The following ZNF280C variants were observed in gnomAD, a reference collection of about 807,000 sequenced individuals.
ZNF280C encodes suppressor of hairy wing homolog 3.
A neutral mutation model predicts 53.6 loss-of-function variants in ZNF280C; 14 were observed. The ratio of observed to expected loss-of-function variants is 0.26; its 90% CI spans 0.17 to 0.41. The LOEUF (loss-of-function observed/expected upper bound fraction) is 0.41, where lower values mean the gene tolerates loss of function less well. Among genes scored for constraint, ZNF280C ranks in the 10% least tolerant of loss-of-function variants. ZNF280C has a pLI of 1.00. For synonymous variants in ZNF280C, 203 were observed against 181.1 expected, an observed-to-expected ratio of 1.12 and a Z score of -0.97; for missense variants, 416 against 547.1, an observed-to-expected ratio of 0.76 and a Z score of 2.39.
chrX:130,248,975 T>C (rs1265403464), intron 2 of ZNF280C, among the ~76,000 whole-genome samples: 2 of 111,811 alleles, frequency 1.8e-5, no homozygotes, highest in African/African-American at 6.5e-5. Flanking sequence ...TCCTCTGCCA[T>C]ACTACCATTG....
At chrX:130,249,910 T>C (rs149814386) in intron 2 of ZNF280C, among the ~76,000 whole-genome samples, 2,122 of 111,589 alleles carry the variant, frequency 0.019, 51 homozygotes, top group African/African-American at 0.065. Flanking sequence ...AAGCTAAGAA[T>C]CATAGTAAAA....
chrX:130,265,545 A>G (rs2032679267), intron 1 of ZNF280C, among the ~76,000 whole-genome samples: 1 of 112,009 alleles, frequency 8.9e-6, no homozygotes, highest in Admixed American at 9.5e-5. Context: ...TTATTAATCA[A>G]TTTGCTTTTT....
chrX:130,267,100 C>CAA (rs759589465), intron 1 of ZNF280C, among the ~76,000 whole-genome samples: 22 of 48,820 alleles, frequency 4.5e-4, no homozygotes, highest in African/African-American at 1.2e-3. Flanking sequence ...GACTCCGTCT[C>CAA]AAAAAAAAAA....
intron 15 of ZNF280C, among the ~76,000 whole-genome samples, chrX:130,210,540 G>T (rs1013620347): frequency 8.9e-6 from 1 of 112,128 alleles, no homozygotes; most frequent in Non-Finnish European, 1.9e-5. Context: ...TGGGGAGGGG[G>T]ATAATCTGAA....
At chrX:130,254,531 G>A (rs1317794190) in intron 2 of ZNF280C, among the ~76,000 whole-genome samples, 2 of 112,187 alleles carry the variant, frequency 1.8e-5, no homozygotes, top group African/African-American at 6.5e-5. Context: ...TGGTAGACTG[G>A]ATGAAGAAAA....
chrX:130,267,769 C>A (rs769127158), intron 1 of ZNF280C, among the ~76,000 whole-genome samples: 2 of 111,918 alleles, frequency 1.8e-5, no homozygotes, highest in African/African-American at 6.5e-5. Flanking sequence ...GAGACTTTTG[C>A]AGTTTAAAAC....
intron 1 of ZNF280C, among the ~76,000 whole-genome samples, chrX:130,266,684 A>G (rs2032691942): frequency 8.9e-6 from 1 of 112,101 alleles, no homozygotes; most frequent in Admixed American, 9.4e-5. Context: ...ACTTTGCAGC[A>G]AATGAATAAA....
chrX:130,268,898 C>G lies in ZNF280C; in HGVS notation c.-153G>C, dbSNP rs749860386. On this transcript the variant is annotated 5_prime_UTR_variant, in exon 1 of 19. Coordinates refer to ENST00000370978, the MANE Select transcript of ZNF280C (RefSeq NM_017666.5). ...TCCCCCGGAGACTTCCAGCGCGGAA[C>G]CGGCGTCTCAGCCGGGGGCAGAAGT... 8.9e-6 allele frequency: 1 copy of G among 112,816 alleles called. No individual in the cohort carries two copies. The highest frequency in any genetic ancestry group is 1.9e-5 in the Non-Finnish European group (1 of 53,296). 9.3% of individuals were successfully genotyped at this position (112,816 alleles called of 1,213,427 possible). A position where few individuals can be genotyped will look rare whatever the true frequency, so the allele number is the denominator to read the frequency against.
At chrX:130,252,022 G>T (rs1353393612) in intron 2 of ZNF280C, among the ~76,000 whole-genome samples, 1 of 111,501 alleles carries the variant, frequency 9.0e-6, no homozygotes, top group African/African-American at 3.3e-5. Context: ...GCTGGGGCAG[G>T]GGAATCGCTT....
At chrX:130,221,761 C>T (rs978345087) in intron 12 of ZNF280C, among the ~76,000 whole-genome samples, 1 of 111,840 alleles carries the variant, frequency 8.9e-6, no homozygotes, top group African/African-American at 3.3e-5. Flanking sequence ...GCCACTTACG[C>T]GGACTCTTGC....
chrX:130,216,893 G>A (rs918479976), intron 13 of ZNF280C, among the ~76,000 whole-genome samples: 8 of 111,211 alleles, frequency 7.2e-5, no homozygotes, highest in African/African-American at 1.6e-4. Flanking sequence ...CCAGCTACTC[G>A]GGAGGCTGAG....
intron 1 of ZNF280C, among the ~76,000 whole-genome samples, chrX:130,264,967 C>T (rs751629852): frequency 8.9e-5 from 10 of 111,853 alleles, no homozygotes; most frequent in African/African-American, 2.6e-4. Flanking sequence ...GGCATCTCAA[C>T]GATTCAAACT....
intron 2 of ZNF280C, among the ~76,000 whole-genome samples, chrX:130,254,563 A>T (rs747312913): frequency 5.3e-5 from 6 of 112,370 alleles, no homozygotes; most frequent in Non-Finnish European, 9.4e-5. Context: ...TACACCATGG[A>T]GAACTTTGCA....
chrX:130,254,622 C>G (rs1276938033), intron 2 of ZNF280C, among the ~76,000 whole-genome samples: 1 of 111,588 alleles, frequency 9.0e-6, no homozygotes, highest in African/African-American at 3.3e-5. Context: ...ATGGATGGAG[C>G]TGGAGACCAT....
At chrX:130,258,680 T>C (rs1367130109) in intron 2 of ZNF280C, among the ~76,000 whole-genome samples, 3 of 112,569 alleles carry the variant, frequency 2.7e-5, no homozygotes, top group Non-Finnish European at 5.6e-5. Flanking sequence ...ATTTCAGTAT[T>C]TGTATATTCT....
intron 15 of ZNF280C, among the ~76,000 whole-genome samples, chrX:130,210,749 T>C (rs764311307): frequency 1.4e-4 from 16 of 112,613 alleles, no homozygotes; most frequent in Non-Finnish European, 2.8e-4. Context: ...CCAATGGTAA[T>C]AGCTTTTATG....
chrX:130,252,802 C>G (rs2032529180), intron 2 of ZNF280C, among the ~76,000 whole-genome samples: 1 of 111,469 alleles, frequency 9.0e-6, no homozygotes, highest in Non-Finnish European at 1.9e-5. Context: ...AACCCACAGG[C>G]AACATCATAC....
At chrX:130,241,813 CAT>C (rs760813087) in intron 5 of ZNF280C, among the ~76,000 whole-genome samples, 2 of 111,152 alleles carry the variant, frequency 1.8e-5, no homozygotes, top group African/African-American at 6.6e-5. Context: ...TGTGTATACA[CAT>C]GTTTAAAATT....
intron 1 of ZNF280C, among the ~76,000 whole-genome samples, chrX:130,267,739 C>T (rs2032705165): frequency 8.9e-6 from 1 of 112,064 alleles, no homozygotes; most frequent in East Asian, 2.8e-4. Flanking sequence ...CAAACCAGGA[C>T]ACCTCACAAA....
Sources: gnomAD v4.1 joint callset for allele counts (sites outside exome capture counted in the v4.1 genomes callset) on GRCh38, gnomAD v4.1.1 for gene constraint, MANE v1.5 for transcripts, NCBI Gene and HGNC (gene_info 2026-07-23, HGNC 2026-07-21) for gene names.